TRAPPC13: variants seen among roughly 807,000 people sequenced by gnomAD.
TRAPPC13 encodes REV7-interacting novel NHEJ regulator 1.
In TRAPPC13, 39 loss-of-function variants were observed where a neutral mutation model predicts 54.0. The ratio of observed to expected loss-of-function variants is 0.72; its 90% confidence interval spans 0.56 to 0.94. The LOEUF is 0.94. Ranked by LOEUF, TRAPPC13 falls within the 40% of genes least tolerant of loss-of-function variation. The pLI is 0.00. For synonymous variants in TRAPPC13, 148 were observed against 167.7 expected, an observed-to-expected ratio of 0.88 and a Z score of 0.91; for missense variants, 386 against 488.1, an observed-to-expected ratio of 0.79 and a Z score of 1.97.
In TRAPPC13 at chr5:65,658,416, C is replaced by A. The variant is rs768283426; in HGVS notation, c.613C>A (p.Pro205Thr). 5.5e-5 allele frequency: 88 copies of A among 1,596,640 alleles called. No homozygotes were observed. Among genetic ancestry groups the A allele is most frequent in the Middle Eastern group, 3.3e-4 (2 of 6,064 alleles). ...EAQIQNMTTS[P>T]MFMEKVSLEP... The stretch of plus-strand genomic sequence containing the variant: ...CCAGATTCAGAATATGACAACCTCA[C>A]CTATGTTTATGGAGAAGGTTTCACT... Residue 205 changes from proline (P) to threonine (T), a missense_variant, in exon 9 of 13, where the codon CCT (proline) becomes ACT (threonine). Transcript: ENST00000399438.
intron 8 of TRAPPC13, among the ~76,000 whole-genome samples, chr5:65,657,715 C>G (rs182191304): frequency 6.6e-6 from 1 of 152,258 alleles, no homozygotes; most frequent in East Asian, 1.9e-4. Flanking sequence ...TAAAATCTGT[C>G]ACTGAGGCTA....
chr5:65,634,915 ACTT>A, intron 1 of TRAPPC13: 3 of 130,998 alleles, frequency 2.3e-5, no homozygotes, highest in Non-Finnish European at 2.9e-5. Flanking sequence ...AACAAAAAAC[ACTT>A]ACTGAGTTTC....
chr5:65,638,122 C>CA (rs33942733), intron 4 of TRAPPC13, among the ~76,000 whole-genome samples: 50,454 of 125,702 alleles, frequency 0.4, 9,582 homozygotes, highest in Middle Eastern at 0.44. Context: ...GACTCCATCT[C>CA]AAAAAAAAAA....
rs60169195 is a variant in TRAPPC13 at position 65,627,131 on chromosome 5, CAAAA to C, written c.46+2048_46+2051del. On this transcript the variant is annotated intron_variant, in intron 1 of 12. Transcript: ENST00000399438. ...TGGGTGACAGAGTGAGACCCTGTCTCAAAAAAAAAAAAAAAAAAAAAAAAAAGAA... is the reference window on the plus strand; with the variant it reads ...TGGGTGACAGAGTGAGACCCTGTCTCAAAAAAAAAAAAAAAAAAAAAAGAA... Among the ~76,000 whole-genome samples the C allele has an allele frequency of 1.6e-3, 52 of 32,568 alleles. 1 individual carries two copies. Among genetic ancestry groups the C allele is most frequent in the South Asian group, 5.8e-3 (6 of 1,034 alleles). 21.4% of individuals were successfully genotyped at this position (32,568 alleles called of 152,430 possible). A position where few individuals can be genotyped will look rare whatever the true frequency, so the allele number is the denominator to read the frequency against.
At chr5:65,628,534 G>A (rs961175756) in intron 1 of TRAPPC13, among the ~76,000 whole-genome samples, 1 of 150,550 alleles carries the variant, frequency 6.6e-6, no homozygotes, top group African/African-American at 2.4e-5. Flanking sequence ...ACGATGGCGC[G>A]ATCTCAGTTC....
At chr5:65,656,527 A>G (rs1438736971) in intron 8 of TRAPPC13, among the ~76,000 whole-genome samples, 1 of 152,190 alleles carries the variant, frequency 6.6e-6, no homozygotes, top group African/African-American at 2.4e-5. Flanking sequence ...AAACTAAAGA[A>G]TCTGTTTTAT....
intron 1 of TRAPPC13, among the ~76,000 whole-genome samples, chr5:65,631,664 C>T (rs773889619): frequency 1.3e-5 from 2 of 152,110 alleles, no homozygotes; most frequent in Non-Finnish European, 2.9e-5. Context: ...AGGATAATGG[C>T]CTCCAGTTGC....
rs536347036 is a variant in TRAPPC13 at position 65,633,249 on chromosome 5, A to G, written c.47-2052A>G. 2.1e-4 allele frequency among the ~76,000 whole-genome samples: 32 copies of G among 152,182 alleles called. No individual in the cohort carries two copies. In the East Asian group the frequency reaches 5.8e-3, roughly 28 times the overall value. On this transcript the variant is annotated intron_variant, in intron 1 of 12. Transcript: ENST00000399438. The stretch of plus-strand genomic sequence containing the variant: ...TATTCTGAATTGACCATGTAGGTCT[A>G]TAGTCTTTATAGTATTTTGGCTTTG...
chr5:65,626,731 A>G (rs903013409), intron 1 of TRAPPC13, among the ~76,000 whole-genome samples: 1 of 152,148 alleles, frequency 6.6e-6, no homozygotes, highest in East Asian at 1.9e-4. Flanking sequence ...GCGAGACTCC[A>G]TCTCAAAAAA....
intron 1 of TRAPPC13, among the ~76,000 whole-genome samples, chr5:65,634,147 A>G (rs62372486): frequency 3.3e-5 from 5 of 151,632 alleles, no homozygotes; most frequent in South Asian, 2.1e-4. Context: ...CACCACGCCC[A>G]GCTAATTTTT....
At chr5:65,650,097 A>G (rs1474715979) in intron 5 of TRAPPC13, among the ~76,000 whole-genome samples, 1 of 143,308 alleles carries the variant, frequency 7.0e-6, no homozygotes, top group African/African-American at 2.6e-5. Context: ...TGACCTCGTG[A>G]TCTGCCCACC....
chr5:65,665,708 T>C lies in TRAPPC13; in HGVS notation c.*1097T>C, dbSNP rs907954022. Reference sequence around the variant, plus strand: ...AATCATGTGTTACTGTTACAAAACTTTCTCTCTCCATGTAATCACACTTAG... The same window carrying C: ...AATCATGTGTTACTGTTACAAAACTCTCTCTCTCCATGTAATCACACTTAG... On this transcript the variant is annotated 3_prime_UTR_variant, in exon 13 of 13. Transcript: ENST00000399438. 6.6e-6 allele frequency: 1 copy of C among 152,220 alleles called. No individual in the cohort carries two copies. Among genetic ancestry groups the C allele is most frequent in the Non-Finnish European group, 1.5e-5 (1 of 68,010 alleles). 9.4% of individuals were successfully genotyped at this position (152,220 alleles called of 1,614,324 possible).
chr5:65,633,013 T>A (rs1260250231), intron 1 of TRAPPC13, among the ~76,000 whole-genome samples: 1 of 151,934 alleles, frequency 6.6e-6, no homozygotes, highest in African/African-American at 2.4e-5. Flanking sequence ...CCTCATGGAG[T>A]TTGGAAAGGA....
chr5:65,636,769 G>T (rs1346873908), intron 3 of TRAPPC13, among the ~76,000 whole-genome samples: 1 of 152,054 alleles, frequency 6.6e-6, no homozygotes, highest in Non-Finnish European at 1.5e-5. Context: ...TATTATTCTA[G>T]ATTAATAATA....
chr5:65,644,652 C>T (rs1459851304), intron 4 of TRAPPC13, among the ~76,000 whole-genome samples: 2 of 151,918 alleles, frequency 1.3e-5, no homozygotes, highest in African/African-American at 2.4e-5. Flanking sequence ...GAGCCCGAGG[C>T]GGCAGATCAC....
chr5:65,659,902 G>A (rs1756784725), intron 9 of TRAPPC13, among the ~76,000 whole-genome samples: 1 of 148,048 alleles, frequency 6.8e-6, no homozygotes, highest in Non-Finnish European at 1.5e-5. Flanking sequence ...GTTCAAGGCT[G>A]CAGTGAGCCA....
chr5:65,642,717 T>C (rs536955422), intron 4 of TRAPPC13, among the ~76,000 whole-genome samples: 1 of 152,182 alleles, frequency 6.6e-6, no homozygotes, highest in African/African-American at 2.4e-5. Context: ...GTTGCCCAGG[T>C]TGGTGTGATC....
At chr5:65,630,341 T>C (rs2150661916) in intron 1 of TRAPPC13, 2 of 1,486,290 alleles carry the variant, frequency 1.3e-6, no homozygotes, top group Non-Finnish European at 1.8e-6. Context: ...TAGTATGTAA[T>C]GAATTCCACT....
chr5:65,655,793 T>C (rs1238127494), intron 8 of TRAPPC13, 140 bp downstream of exon 8: 1 of 291,602 alleles, frequency 3.4e-6, no homozygotes, highest in Non-Finnish European at 6.5e-6. Context: ...AGAAAGATTA[T>C]ATATAATTTT....
Sources: allele counts gnomAD v4.1 joint callset (sites outside exome capture counted in the v4.1 genomes callset), GRCh38; gene constraint gnomAD v4.1.1; transcripts MANE v1.5; gene names NCBI Gene and HGNC (gene_info 2026-07-23, HGNC 2026-07-21).